Variants in ATG14 observed in about 807,000 individuals in gnomAD.
ATG14 encodes beclin 1-associated autophagy-related key regulator.
Under a neutral mutation model 60.4 loss-of-function variants are expected in ATG14, and 35 were observed. That is an observed-to-expected ratio of 0.58 (90% CI 0.44 to 0.77). ATG14 has a LOEUF of 0.77. Among genes scored for constraint, ATG14 ranks in the 30% least tolerant of loss-of-function variants. The pLI is 0.00. For synonymous variants in ATG14, 234 were observed against 228.8 expected, an observed-to-expected ratio of 1.02 and a Z score of -0.21; for missense variants, 647 against 626.3, an observed-to-expected ratio of 1.03 and a Z score of -0.35.
At chr14:55,398,172 C>T (rs1885343989) in intron 1 of ATG14, among the ~76,000 whole-genome samples, 1 of 151,932 alleles carries the variant, frequency 6.6e-6, no homozygotes, top group African/African-American at 2.4e-5. Context: ...AGGATGGTCT[C>T]GATCTCCTGA....
At chr14:55,371,085 C>A (rs550243732) in intron 9 of ATG14, among the ~76,000 whole-genome samples, 3 of 152,178 alleles carry the variant, frequency 2.0e-5, no homozygotes, top group Non-Finnish European at 2.9e-5. Flanking sequence ...CAGGGTGGGA[C>A]CAAGGTGCCG....
chr14:55,407,372 GC>G (rs1191746785), intron 1 of ATG14, among the ~76,000 whole-genome samples: 2 of 152,068 alleles, frequency 1.3e-5, no homozygotes, highest in Non-Finnish European at 2.9e-5. Flanking sequence ...CTTGTAATCT[GC>G]CCGCCTCAGC....
At chr14:55,382,883 TACTG>T (rs1885059395) in intron 5 of ATG14, among the ~76,000 whole-genome samples, 1 of 152,156 alleles carries the variant, frequency 6.6e-6, no homozygotes, top group Non-Finnish European at 1.5e-5. Context: ...GAATTAGAAA[TACTG>T]AGAAAAATAT....
chr14:55,394,566 A>G (rs563002914), intron 3 of ATG14, among the ~76,000 whole-genome samples: 31 of 152,188 alleles, frequency 2.0e-4, no homozygotes, highest in African/African-American at 2.9e-4. Context: ...TAGCATGTAC[A>G]CTACAGATTC....
chr14:55,411,808 A>C lies in ATG14; in HGVS notation c.15T>G (p.Ser5Arg), dbSNP rs916896842. 1.9e-6 allele frequency: 3 copies of C among 1,595,360 alleles called. No individual in the cohort carries two copies. The highest frequency in any genetic ancestry group is 2.7e-5 in the African/African-American group (2 of 74,606). Residue 5 changes from serine (S) to arginine (R), a missense_variant, in exon 1 of 10, where the codon AGT (serine) becomes AGG (arginine). Coordinates refer to ENST00000247178, the MANE Select transcript of ATG14 (RefSeq NM_014924.5). MASP[S>R]GKGARALEAP... ...CCTCCAGCGCCCGGGCTCCCTTCCC[A>C]CTGGGAGACGCCATGATGGCCTGAG... is the stretch of plus-strand genomic sequence containing the variant.
rs1486711506 is a variant in ATG14, at chr14:55,367,915, T to A, written c.*1704A>T. 6.6e-6 allele frequency: 1 copy of A among 152,522 alleles called. No individual in the cohort carries two copies. Among genetic ancestry groups the A allele is most frequent in the Non-Finnish European group, 1.5e-5 (1 of 68,028 alleles). 9.4% of individuals were successfully genotyped at this position (152,522 alleles called of 1,614,324 possible). A position where few individuals can be genotyped will look rare whatever the true frequency, so the allele number is the denominator to read the frequency against. The stretch of plus-strand genomic sequence containing the variant: ...CCATTAGCAAAAGCTATATAGCACC[T>A]CGGACTTGGAGGCAAAGTATCAACT... On this transcript the variant is annotated 3_prime_UTR_variant, in exon 10 of 10. Transcript: ENST00000247178.
intron 1 of ATG14, 117 bp from the exon 2 acceptor site, chr14:55,397,551 G>C (rs2140145670): frequency 1.2e-6 from 1 of 807,400 alleles, no homozygotes; most frequent in South Asian, 1.5e-5. Flanking sequence ...TCATTGTCCT[G>C]ATAGTAAATA....
intron 1 of ATG14, among the ~76,000 whole-genome samples, chr14:55,402,662 C>T (rs1323845877): frequency 1.3e-5 from 2 of 150,962 alleles, no homozygotes; most frequent in Non-Finnish European, 3.0e-5. Flanking sequence ...AAAACCTGGT[C>T]CTTATCAGGA....
chr14:55,386,816 A>G (rs964992397), intron 4 of ATG14, among the ~76,000 whole-genome samples: 3 of 152,206 alleles, frequency 2.0e-5, no homozygotes, highest in Non-Finnish European at 4.4e-5. Flanking sequence ...GGCTGTAGCT[A>G]AACTTCACTT....
intron 6 of ATG14, among the ~76,000 whole-genome samples, 185 bp from the exon 7 acceptor site, chr14:55,380,875 AT>A (rs1170779991): frequency 0.044 from 4,983 of 112,596 alleles, 189 homozygotes; most frequent in African/African-American, 0.14. Flanking sequence ...ATATATATAT[AT>A]TTTTTTTTTT....
Position 55,395,268 on chromosome 14 carries a change from C to A in ATG14, c.327+672G>T, listed in dbSNP as rs1426961723. 9.0e-6 allele frequency: 3 copies of A among 332,688 alleles called. No homozygotes were observed. The Admixed American group carries it at 1.2e-4, about 13-fold the overall frequency. 20.6% of individuals were successfully genotyped at this position (332,688 alleles called of 1,614,324 possible). ...AGGGAAGGCGTGTGCCAAGCGCCTG[C>A]GAGGCATAGTGCATCTAGAGCCTCA... On this transcript the variant is annotated intron_variant, in intron 3 of 9. Coordinates refer to ENST00000247178, the MANE Select transcript of ATG14 (RefSeq NM_014924.5).
chr14:55,409,753 T>C (rs893285003), intron 1 of ATG14, among the ~76,000 whole-genome samples: 3 of 152,100 alleles, frequency 2.0e-5, no homozygotes, highest in African/African-American at 7.2e-5. Context: ...GAACAGATAA[T>C]ATAGAACTTT....
intron 9 of ATG14, among the ~76,000 whole-genome samples, chr14:55,376,710 A>T (rs1257229505): frequency 6.6e-6 from 1 of 152,168 alleles, no homozygotes; most frequent in East Asian, 1.9e-4. Context: ...TGCGGAAGGG[A>T]AACCCAAAAG....
At chr14:55,381,843 G>A in intron 6 of ATG14, 119 bp downstream of exon 6, 1 of 774,438 alleles carries the variant, frequency 1.3e-6, no homozygotes, top group Non-Finnish European at 2.1e-6. Flanking sequence ...TGGGAGCACA[G>A]TGCTGTGAAT....
chr14:55,370,896 C>T (rs1884801494), intron 9 of ATG14, among the ~76,000 whole-genome samples: 1 of 152,178 alleles, frequency 6.6e-6, no homozygotes, highest in African/African-American at 2.4e-5. Context: ...CCACCCCTGC[C>T]TCTCAAAACG....
At chr14:55,409,373 A>G (rs1885536147) in intron 1 of ATG14, among the ~76,000 whole-genome samples, 1 of 152,246 alleles carries the variant, frequency 6.6e-6, no homozygotes. Context: ...AGTGTATAAA[A>G]GAGAAAAACT....
At chr14:55,394,883 A>C in intron 3 of ATG14, 1 of 355,710 alleles carries the variant, frequency 2.8e-6, no homozygotes, top group Non-Finnish European at 5.4e-6. Flanking sequence ...GCCTCCCACT[A>C]CTCAATATCC....
At chr14:55,378,700 CT>C (rs1884968920) in intron 7 of ATG14, among the ~76,000 whole-genome samples, 5 of 151,660 alleles carry the variant, frequency 3.3e-5, no homozygotes, top group African/African-American at 1.2e-4. Context: ...TCCCTCTTAC[CT>C]TTTTTGTTTG....
intron 4 of ATG14, 140 bp downstream of exon 4, chr14:55,390,771 G>T (rs1885200984): frequency 2.5e-5 from 16 of 629,990 alleles, no homozygotes; most frequent in Non-Finnish European, 4.5e-5. Context: ...TACAAGGAAA[G>T]ATGAGGGCGA....
Sources: allele counts gnomAD v4.1 joint callset (sites outside exome capture counted in the v4.1 genomes callset), GRCh38; gene constraint gnomAD v4.1.1; transcripts MANE v1.5; gene names NCBI Gene and HGNC (gene_info 2026-07-23, HGNC 2026-07-21).